SLC4A5: variants seen among roughly 807,000 people sequenced by gnomAD.
SLC4A5 encodes solute carrier family 4 member 5.
In SLC4A5, 96 loss-of-function variants were observed where a neutral mutation model predicts 120.4. The observed-to-expected ratio is 0.80, with a 90% CI of 0.68 to 0.94. The LOEUF is 0.94. SLC4A5 is among the 40% of genes least tolerant of loss of function. The pLI, the probability that SLC4A5 is intolerant of heterozygous loss-of-function variation, is 0.00. For missense variants in SLC4A5, 1,259 were observed against 1,459.5 expected (o/e 0.86, Z 2.24); for synonymous variants, 550 against 571.1 (o/e 0.96, Z 0.53).
chr2:74,295,744 T>C (rs999362755), intron 7 of SLC4A5, among the ~76,000 whole-genome samples: 3 of 152,206 alleles, frequency 2.0e-5, no homozygotes, highest in African/African-American at 7.2e-5. Flanking sequence ...GCTGCTCACC[T>C]ATGTGCCTTA....
chr2:74,287,894 C>G (rs1270814478), intron 7 of SLC4A5, among the ~76,000 whole-genome samples: 1 of 152,120 alleles, frequency 6.6e-6, no homozygotes, highest in Non-Finnish European at 1.5e-5. Context: ...CTGCCTGTCT[C>G]CTTAGCTCTC....
At chr2:74,252,731 T>A (rs764761338) in intron 15 of SLC4A5, among the ~76,000 whole-genome samples, 30 of 151,962 alleles carry the variant, frequency 2.0e-4, no homozygotes, top group Non-Finnish European at 3.5e-4. Flanking sequence ...GGACTATAGG[T>A]GCATGCCACC....
rs1391368048 is a variant in SLC4A5 at position 74,225,003 on chromosome 2, GGA to G, written c.3091-10_3091-9del. On this transcript the variant is annotated splice_polypyrimidine_tract_variant and intron_variant, in intron 27 of 30. Coordinates refer to ENST00000394019, the Ensembl canonical transcript of SLC4A5. Reference sequence around the variant, plus strand: ...GATGATGAGGCCCAGGATCTGTGGTGGAGAGAGACTAAAGTTTTGTGAGAATT... The same window carrying G: ...GATGATGAGGCCCAGGATCTGTGGTGGAGAGACTAAAGTTTTGTGAGAATT... 6.2e-7 allele frequency: 1 copy of G among 1,604,182 alleles called. No individual in the cohort carries two copies. Among genetic ancestry groups the G allele is most frequent in the African/African-American group, 1.4e-5 (1 of 74,042 alleles).
intron 8 of SLC4A5, among the ~76,000 whole-genome samples, chr2:74,266,571 G>A (rs1025840200): frequency 2.0e-5 from 3 of 152,050 alleles, no homozygotes; most frequent in Non-Finnish European, 4.4e-5. Flanking sequence ...GCCCAGTCAC[G>A]GAATTAGGAT....
intron 7 of SLC4A5, among the ~76,000 whole-genome samples, chr2:74,302,714 T>C (rs140459281): frequency 9.4e-4 from 143 of 152,342 alleles, no homozygotes; most frequent in African/African-American, 3.2e-3. Flanking sequence ...ACCAAAGCAA[T>C]GTCAAATCCA....
At chr2:74,225,056 C>A in intron 27 of SLC4A5, 61 bp from the exon 28 acceptor site, 1 of 1,517,940 alleles carries the variant, frequency 6.6e-7, no homozygotes, top group East Asian at 2.3e-5. Context: ...TCTCAATGCC[C>A]AAACTCAGGC....
chr2:74,333,596 A>G (rs1255581548), intron 4 of SLC4A5, among the ~76,000 whole-genome samples: 1 of 152,230 alleles, frequency 6.6e-6, no homozygotes, highest in East Asian at 1.9e-4. Context: ...TTTAAGATAA[A>G]CAGAGGATTG....
intron 8 of SLC4A5, among the ~76,000 whole-genome samples, chr2:74,271,568 A>C (rs1372095786): frequency 6.6e-6 from 1 of 152,210 alleles, no homozygotes; most frequent in East Asian, 1.9e-4. Context: ...ATCATGTTTT[A>C]TGATTGTTTT....
At chr2:74,222,250 A>G (rs1160700884) in intron 29 of SLC4A5, among the ~76,000 whole-genome samples, 1 of 152,228 alleles carries the variant, frequency 6.6e-6, no homozygotes, top group Non-Finnish European at 1.5e-5. Context: ...GTGGTCTGAA[A>G]CAACATAGAA....
intron 7 of SLC4A5, among the ~76,000 whole-genome samples, chr2:74,303,283 G>T (rs1672532319): frequency 6.6e-6 from 1 of 152,156 alleles, no homozygotes; most frequent in South Asian, 2.1e-4. Flanking sequence ...AGAGGGCTCT[G>T]CAGGGTTGGG....
At chr2:74,330,740 G>T (rs1295404458) in intron 4 of SLC4A5, among the ~76,000 whole-genome samples, 2 of 130,020 alleles carry the variant, frequency 1.5e-5, no homozygotes, top group Non-Finnish European at 3.3e-5. Context: ...GGTGGTGGCA[G>T]TGAGGTCTAT....
chr2:74,220,353 G>A (rs1694585516), intron 30 of SLC4A5, among the ~76,000 whole-genome samples: 1 of 152,014 alleles, frequency 6.6e-6, no homozygotes, highest in Non-Finnish European at 1.5e-5. Flanking sequence ...TAGCTTTGAT[G>A]TTGATCTCTG....
At chr2:74,234,652 C>T (rs1558869929) in intron 22 of SLC4A5, among the ~76,000 whole-genome samples, 2 of 152,246 alleles carry the variant, frequency 1.3e-5, no homozygotes, top group Non-Finnish European at 2.9e-5. Flanking sequence ...TCTGATTCCA[C>T]AGGTGGGGCC....
At chr2:74,249,822 C>T (rs1318312102) in intron 17 of SLC4A5, among the ~76,000 whole-genome samples, 2 of 152,170 alleles carry the variant, frequency 1.3e-5, no homozygotes, top group Non-Finnish European at 2.9e-5. Context: ...CTGAGCTTTC[C>T]AATGGCTCTA....
At chr2:74,240,051 AT>A (rs2103945292) in intron 20 of SLC4A5, among the ~76,000 whole-genome samples, 1 of 148,530 alleles carries the variant, frequency 6.7e-6, no homozygotes, top group East Asian at 2.0e-4. Flanking sequence ...TTATATATAT[AT>A]ATATATAAAT....
At chr2:74,295,035 C>A (rs961099623) in intron 7 of SLC4A5, among the ~76,000 whole-genome samples, 1 of 152,048 alleles carries the variant, frequency 6.6e-6, no homozygotes, top group Non-Finnish European at 1.5e-5. Context: ...TTTAGTTCAA[C>A]ACATTATGAG....
intron 6 of SLC4A5, among the ~76,000 whole-genome samples, chr2:74,308,886 G>T (rs1181877290): frequency 2.0e-5 from 3 of 151,468 alleles, no homozygotes; most frequent in African/African-American, 7.3e-5. Flanking sequence ...ACTCTGAGAT[G>T]ATTTTTTGAA....
rs745741778 is a variant in SLC4A5, at chr2:74,265,284, G to C, written c.402-20C>G. On this transcript the variant is annotated intron_variant, in intron 8 of 30. Transcript: ENST00000394019. The stretch of plus-strand genomic sequence containing the variant: ...ATCCACCTGGAAGGGTAAGGATGGG[G>C]CTCAGTGTGGCCAGGGCCCTCAGGA... 1.2e-6 allele frequency: 2 copies of C among 1,610,586 alleles called. No individual in the cohort carries two copies. Among genetic ancestry groups the C allele is most frequent in the South Asian group, 2.2e-5 (2 of 90,578 alleles).
chr2:74,327,378 T>C (rs955475364), intron 5 of SLC4A5, among the ~76,000 whole-genome samples: 4 of 152,204 alleles, frequency 2.6e-5, no homozygotes, highest in East Asian at 3.9e-4. Context: ...TGGGATTATT[T>C]TGTGAACTGA....
Sources: allele counts gnomAD v4.1 joint callset (sites outside exome capture counted in the v4.1 genomes callset), GRCh38; gene constraint gnomAD v4.1.1; transcripts MANE v1.5; gene names NCBI Gene and HGNC (gene_info 2026-07-23, HGNC 2026-07-21).